EYA4: variants seen among roughly 807,000 people sequenced by gnomAD.
EYA4 encodes EYA transcriptional coactivator and phosphatase 4.
In EYA4, 31 loss-of-function variants were observed where a neutral mutation model predicts 87.9. The observed-to-expected ratio is 0.35, with a 90% CI of 0.27 to 0.48. The LOEUF (loss-of-function observed/expected upper bound fraction) is 0.48, where lower values mean the gene tolerates loss of function less well. Ranked by LOEUF, EYA4 falls within the 20% of genes least tolerant of loss-of-function variation. The probability of loss-of-function intolerance (pLI) is 0.99; values close to 1 mark genes in which losing one functional copy is unlikely to be tolerated. For synonymous variants in EYA4, 263 were observed against 270.6 expected (o/e 0.97, Z 0.28); for missense variants, 678 against 761.4 (o/e 0.89, Z 1.29).
At chr6:133,445,554 T>C (rs1583298787) in intron 3 of EYA4, among the ~76,000 whole-genome samples, 1 of 151,866 alleles carries the variant, frequency 6.6e-6, no homozygotes, top group South Asian at 2.1e-4. Flanking sequence ...CACAGTTCTT[T>C]TTCCTAGTTT....
intron 2 of EYA4, among the ~76,000 whole-genome samples, chr6:133,289,569 C>T (rs1484835342): frequency 6.6e-6 from 1 of 152,178 alleles, no homozygotes; most frequent in African/African-American, 2.4e-5. Context: ...ATAAACACTT[C>T]TAAGATTAAT....
intron 1 of EYA4, among the ~76,000 whole-genome samples, chr6:133,244,181 T>C (rs983049454): frequency 3.9e-5 from 6 of 152,234 alleles, no homozygotes; most frequent in African/African-American, 1.4e-4. Flanking sequence ...AAAGCCTGTT[T>C]TCCTTTGTAA....
intron 2 of EYA4, chr6:133,363,126 T>A (rs763110573): frequency 1.3e-5 from 2 of 152,454 alleles, no homozygotes; most frequent in Non-Finnish European, 2.9e-5. Context: ...TAGCAGACCT[T>A]ACGGGTGGGG....
chr6:133,455,779 G>T lies in EYA4; in HGVS notation c.278-777G>T, dbSNP rs567131388. On this transcript the variant is annotated intron_variant, in intron 5 of 19. Transcript: ENST00000355286. The stretch of plus-strand genomic sequence containing the variant: ...AGCCTTGCCAACAAAGGGAAAATAT[G>T]GTGTGACCAAATGGGTAAAACTTTA... 1.1e-4 allele frequency among the ~76,000 whole-genome samples: 16 copies of T among 152,196 alleles called. No homozygotes were observed. The South Asian group carries it at 3.3e-3, about 32-fold the overall frequency.
At chr6:133,241,063 A>G (rs1301477869), upstream of EYA4, among the ~76,000 whole-genome samples, 1 of 151,714 alleles carries the variant, frequency 6.6e-6, no homozygotes, top group Non-Finnish European at 1.5e-5. Flanking sequence ...GGCGGCGCGG[A>G]GGGCACGGAG....
chr6:133,339,134 C>A (rs997938952), intron 2 of EYA4, among the ~76,000 whole-genome samples: 5 of 152,088 alleles, frequency 3.3e-5, no homozygotes, highest in African/African-American at 1.2e-4. Flanking sequence ...TTGATGAAAT[C>A]ATTGTTTGGT....
rs531355912 is a variant in EYA4, at chr6:133,330,373, A to G, written c.34-52019A>G. 4.6e-5 allele frequency among the ~76,000 whole-genome samples: 7 copies of G among 152,154 alleles called. No homozygotes were observed. The South Asian group carries it at 1.5e-3, about 32-fold the overall frequency. On this transcript the variant is annotated intron_variant, in intron 2 of 19. Coordinates refer to ENST00000355286, the MANE Select transcript of EYA4 (RefSeq NM_004100.5). ...CACAATTGATTGCTCTGTAATTATA[A>G]ATTACCCCCTCTGCTAATTACAATG... is the stretch of plus-strand genomic sequence containing the variant.
At chr6:133,465,347 T>C (rs1794755105) in intron 10 of EYA4, among the ~76,000 whole-genome samples, 2 of 152,138 alleles carry the variant, frequency 1.3e-5, no homozygotes, top group African/African-American at 4.8e-5. Context: ...TTAAATAATT[T>C]TTCTGTTTTT....
chr6:133,525,394 T>C, intron 19 of EYA4, 140 bp downstream of exon 19: 1 of 756,706 alleles, frequency 1.3e-6, no homozygotes, highest in South Asian at 1.5e-5. Context: ...AGAGGGTCAA[T>C]ACTTACATTC....
Position 133,368,898 on chromosome 6 carries a change from T to C in EYA4, c.34-13494T>C, listed in dbSNP as rs183802467. ...CCTGAAATAGGTAAATGATTCTTCA[T>C]TCAATCCTCCCTTGAAAATGAAAAT... On this transcript the variant is annotated intron_variant, in intron 2 of 19. Transcript: ENST00000355286. Among the ~76,000 whole-genome samples the C allele has an allele frequency of 1.5e-3, 221 of 152,350 alleles. 3 individuals carry two copies. Among genetic ancestry groups the C allele is most frequent in the Non-Finnish European group, 1.0e-4 (7 of 68,036 alleles).
At position 133,394,282 on chromosome 6, in the gene EYA4, G is replaced by GTATTTTTTTTTTTTTTTTTTTTTTTTT. The variant is rs1562368948; in HGVS notation, c.83+11842_83+11843insATTTTTTTTTTTTTTTTTTTTTTTTTT. Among the ~76,000 whole-genome samples the GTATTTTTTTTTTTTTTTTTTTTTTTTT allele has an allele frequency of 4.6e-5, 5 of 107,846 alleles. 2 individuals are homozygous for GTATTTTTTTTTTTTTTTTTTTTTTTTT. Among genetic ancestry groups the GTATTTTTTTTTTTTTTTTTTTTTTTTT allele is most frequent in the Non-Finnish European group, 6.8e-5 (4 of 58,892 alleles). The allele number at this position is 107,846 out of a possible 152,430, so 70.8% of individuals were successfully genotyped here. A position where few individuals can be genotyped will look rare whatever the true frequency, so the allele number is the denominator to read the frequency against. On this transcript the variant is annotated intron_variant, in intron 3 of 19. Transcript: ENST00000355286. The stretch of plus-strand genomic sequence containing the variant: ...GTTGGAAAAATGTATATATAAGCTT[G>GTATTTTTTTTTTTTTTTTTTTTTTTTT]TGTTTTTTTTTTTTTTTTTTTTTTT...
chr6:133,328,036 A>G (rs2128374751), intron 2 of EYA4, among the ~76,000 whole-genome samples: 1 of 152,336 alleles, frequency 6.6e-6, no homozygotes, highest in Middle Eastern at 3.4e-3. Flanking sequence ...TGAATAAGTT[A>G]GAGTCTTTGG....
At chr6:133,456,513 A>G (rs368744998) in intron 5 of EYA4, 43 bp from the exon 6 acceptor site, 30 of 1,331,576 alleles carry the variant, frequency 2.3e-5, no homozygotes, top group Non-Finnish European at 3.3e-5. Context: ...TCTTTGACAT[A>G]AATTTAGAAG....
intron 3 of EYA4, among the ~76,000 whole-genome samples, chr6:133,392,505 C>G (rs1424400695): frequency 1.3e-5 from 2 of 152,082 alleles, no homozygotes; most frequent in Non-Finnish European, 1.5e-5. Context: ...AACCGTGACT[C>G]AGGTGCTTGG....
At chr6:133,456,304 A>G (rs1793899375) in intron 5 of EYA4, among the ~76,000 whole-genome samples, 1 of 152,146 alleles carries the variant, frequency 6.6e-6, no homozygotes, top group Non-Finnish European at 1.5e-5. Context: ...AAATATGTGT[A>G]CTGCTGTTTC....
At position 133,464,862 on chromosome 6, in the gene EYA4, T is replaced by C. The variant is rs961364682; in HGVS notation, c.804+4T>C. On this transcript the variant is annotated splice_donor_region_variant and intron_variant, in intron 10 of 19. Transcript: ENST00000355286. ...GAATTTCAGTGGTTCACAACAGGTA[T>C]AGTAGCTTTTTGTGTTTATGCTTTT... The C allele has an allele frequency of 1.3e-6, 2 of 1,595,110 alleles. No homozygotes were observed. Among genetic ancestry groups the C allele is most frequent in the Non-Finnish European group, 1.7e-6 (2 of 1,163,682 alleles).
At position 133,456,638 on chromosome 6, in the gene EYA4, T is replaced by C; in HGVS notation, c.360T>C (p.Phe120=). 6.2e-7 allele frequency: 1 copy of C among 1,610,108 alleles called. No homozygotes were observed. The highest frequency in any genetic ancestry group is 8.5e-7 in the Non-Finnish European group (1 of 1,176,390). ...ATTGDGALDT[F]TGSVITSSGY... is the part of the protein sequence containing the mutation. ...CTGGAGATGGAGCGCTTGACACTTT[T>C]ACTGGGTCAGGTAAAGCCTTTAGCT... is the stretch of plus-strand genomic sequence containing the variant. Residue 120 remains phenylalanine (F), a synonymous_variant, in exon 6 of 20, where the codon TTT becomes TTC. Transcript: ENST00000355286.
intron 13 of EYA4, among the ~76,000 whole-genome samples, chr6:133,486,299 A>G (rs1239507518): frequency 6.6e-6 from 1 of 151,560 alleles, no homozygotes; most frequent in Non-Finnish European, 1.5e-5. Context: ...AGCCAGTAAT[A>G]AATAATATCT....
intron 14 of EYA4, chr6:133,510,540 C>T (rs1562502567): frequency 7.9e-6 from 2 of 254,472 alleles, no homozygotes; most frequent in East Asian, 1.1e-4. Flanking sequence ...TCCTTAAAGC[C>T]CAGTCCAGCA....
Sources: allele counts gnomAD v4.1 joint callset (sites outside exome capture counted in the v4.1 genomes callset), GRCh38; gene constraint gnomAD v4.1.1; transcripts MANE v1.5; gene names NCBI Gene and HGNC (gene_info 2026-07-23, HGNC 2026-07-21).